GASK1B: variants seen among roughly 807,000 people sequenced by gnomAD.
The protein encoded by GASK1B is golgi associated kinase 1B, also known as Golgi-associated kinase 1B.
Under a neutral mutation model 42.8 loss-of-function variants are expected in GASK1B, and 34 were observed. The ratio of observed to expected loss-of-function variants is 0.79; its 90% CI spans 0.60 to 1.06. GASK1B has a LOEUF of 1.06. Among genes scored for constraint, GASK1B ranks in the 50% least tolerant of loss-of-function variants. The pLI is 0.00. For synonymous variants in GASK1B, 262 were observed against 259.1 expected (o/e 1.01, Z -0.11); for missense variants, 686 against 661.0 (o/e 1.04, Z -0.42).
intron 3 of GASK1B, among the ~76,000 whole-genome samples, chr4:158,142,110 AATTTTTTGT>A (rs1731158660): frequency 6.8e-6 from 1 of 146,246 alleles, no homozygotes; most frequent in Admixed American, 6.8e-5. Context: ...ACGCCCGGCT[AATTTTTTGT>A]ATTTTTAGTA....
At chr4:158,130,541 T>C (rs957557365) in intron 4 of GASK1B, among the ~76,000 whole-genome samples, 1 of 152,146 alleles carries the variant, frequency 6.6e-6, no homozygotes, top group East Asian at 1.9e-4. Context: ...CCAAGCAACA[T>C]CATGAATGTG....
intron 3 of GASK1B, among the ~76,000 whole-genome samples, chr4:158,141,731 C>T (rs1408595597): frequency 1.3e-5 from 2 of 148,416 alleles, no homozygotes; most frequent in African/African-American, 2.5e-5. Flanking sequence ...CTCAGCTTCC[C>T]GAGTAGCTGG....
intron 2 of GASK1B, among the ~76,000 whole-genome samples, chr4:158,166,356 C>T (rs1732230200): frequency 6.6e-6 from 1 of 152,160 alleles, no homozygotes; most frequent in Admixed American, 6.5e-5. Flanking sequence ...ACCAGTCCTG[C>T]CAATTTAGAA....
In GASK1B at chr4:158,170,903, TC is replaced by T; in HGVS notation, c.472del (p.Glu158LysfsTer5). 6.2e-7 allele frequency: 1 copy of T among 1,614,212 alleles called. No individual in the cohort carries two copies. Among genetic ancestry groups the T allele is most frequent in the East Asian group, 2.2e-5 (1 of 44,860 alleles). On this transcript the variant is annotated frameshift_variant, in exon 2 of 5. Coordinates refer to ENST00000585682, the MANE Select transcript of GASK1B (RefSeq NM_001128424.2). LOFTEE classifies it high-confidence loss of function. The stretch of plus-strand genomic sequence containing the variant: ...GTACCCAGGTGCTACAGCATCAGCT[TC>T]CCTTGCCGCTTCCTGCGGCTGAAGG... ...PSLQPQEAAR[E>X]ADAVAPGYAQ...
At chr4:158,137,521 T>A (rs1730945063) in intron 3 of GASK1B, among the ~76,000 whole-genome samples, 2 of 152,198 alleles carry the variant, frequency 1.3e-5, no homozygotes, top group African/African-American at 4.8e-5. Context: ...CATGAATTTG[T>A]CTTGATGAAA....
chr4:158,129,812 G>C (rs918577095), intron 4 of GASK1B, among the ~76,000 whole-genome samples: 1 of 152,124 alleles, frequency 6.6e-6, no homozygotes, highest in African/African-American at 2.4e-5. Context: ...CCCTACCGCA[G>C]TCTCTTAGTC....
chr4:158,127,290 T>C lies in GASK1B; in HGVS notation c.*117A>G. On this transcript the variant is annotated 3_prime_UTR_variant, in exon 5 of 5. Transcript: ENST00000585682. ...GCTACTTGGTTAAAGTCATTTATTTTACGTATTCATCTACACTGCCTCATT... is the reference window on the plus strand; with the variant it reads ...GCTACTTGGTTAAAGTCATTTATTTCACGTATTCATCTACACTGCCTCATT... The C allele has an allele frequency of 1.3e-6, 1 of 797,218 alleles. No individual in the cohort carries two copies. The highest frequency in any genetic ancestry group is 2.1e-6 in the Non-Finnish European group (1 of 487,670). The allele number at this position is 797,218 out of a possible 1,614,324, so 49.4% of individuals were successfully genotyped here.
At chr4:158,141,734 G>T (rs1731132096) in intron 3 of GASK1B, among the ~76,000 whole-genome samples, 1 of 147,710 alleles carries the variant, frequency 6.8e-6, no homozygotes, top group Non-Finnish European at 1.5e-5. Context: ...AGCTTCCCGA[G>T]TAGCTGGGAC....
chr4:158,152,441 G>A (rs1579033272), intron 3 of GASK1B, among the ~76,000 whole-genome samples: 1 of 151,952 alleles, frequency 6.6e-6, no homozygotes, highest in East Asian at 1.9e-4. Flanking sequence ...CCAATCCTAT[G>A]ACACTATTCC....
intron 2 of GASK1B, among the ~76,000 whole-genome samples, chr4:158,157,931 TAAC>T (rs1731819067): frequency 2.0e-5 from 3 of 152,114 alleles, no homozygotes; most frequent in Non-Finnish European, 4.4e-5. Context: ...AAATCACCTA[TAAC>T]CTCATCTCCC....
In GASK1B at chr4:158,171,537, A is replaced by G; in HGVS notation, c.-162T>C. On this transcript the variant is annotated 5_prime_UTR_variant, in exon 2 of 5. Transcript: ENST00000585682. ...GAAAGGGTTGGTGATGAAGCTGGGA[A>G]TGTTTCTGACACAACAAACCTTTTA... 1.5e-6 allele frequency: 1 copy of G among 667,636 alleles called. No homozygotes were observed. 41.4% of individuals were successfully genotyped at this position (667,636 alleles called of 1,614,324 possible).
chr4:158,168,200 T>C (rs920104804), intron 2 of GASK1B, among the ~76,000 whole-genome samples: 1 of 152,196 alleles, frequency 6.6e-6, no homozygotes, highest in Non-Finnish European at 1.5e-5. Context: ...GTCATATTAG[T>C]ATAGCTTTAT....
At chr4:158,142,760 GATC>G (rs1274881845) in intron 3 of GASK1B, among the ~76,000 whole-genome samples, 2 of 152,138 alleles carry the variant, frequency 1.3e-5, no homozygotes, top group African/African-American at 4.8e-5. Context: ...ATCTAAATTT[GATC>G]ATCAATTCAG....
intron 2 of GASK1B, among the ~76,000 whole-genome samples, chr4:158,167,432 T>C (rs1420687932): frequency 6.6e-6 from 1 of 152,194 alleles, no homozygotes; most frequent in East Asian, 1.9e-4. Context: ...GAATTCCTTA[T>C]GAGATCCTCC....
At chr4:158,170,428 C>A (rs1384073869) in intron 2 of GASK1B, 38 bp downstream of exon 2, 1 of 1,614,196 alleles carries the variant, frequency 6.2e-7, no homozygotes, top group Non-Finnish European at 8.5e-7. Context: ...ACCAGAATCC[C>A]CAACAGCTGC....
chr4:158,154,558 A>G (rs185507576), intron 3 of GASK1B, among the ~76,000 whole-genome samples: 140 of 152,364 alleles, frequency 9.2e-4, no homozygotes, highest in African/African-American at 3.2e-3. Context: ...ACACTTGCAC[A>G]TGCATGTTTA....
chr4:158,167,752 A>T (rs1052440845), intron 2 of GASK1B, among the ~76,000 whole-genome samples: 2 of 152,210 alleles, frequency 1.3e-5, no homozygotes, highest in Admixed American at 1.3e-4. Context: ...ATAATGATAT[A>T]GAGCAAGCTG....
intron 3 of GASK1B, among the ~76,000 whole-genome samples, chr4:158,155,299 G>A (rs555316693): frequency 2.4e-4 from 37 of 152,234 alleles, no homozygotes; most frequent in African/African-American, 6.3e-4. Context: ...TCCCTTGTGC[G>A]GAAAATCTAC....
chr4:158,153,838 CT>C (rs1731653303), intron 3 of GASK1B, among the ~76,000 whole-genome samples: 1 of 152,064 alleles, frequency 6.6e-6, no homozygotes, highest in African/African-American at 2.4e-5. Context: ...CATCTCTTAC[CT>C]TATACAAAAA....
Sources: gnomAD v4.1 joint callset for allele counts (sites outside exome capture counted in the v4.1 genomes callset) on GRCh38, gnomAD v4.1.1 for gene constraint, MANE v1.5 for transcripts, NCBI Gene and HGNC (gene_info 2026-07-23, HGNC 2026-07-21) for gene names.